The following ASIC2 variants were observed in gnomAD, a reference collection of about 807,000 sequenced individuals.
ASIC2 encodes the protein acid-sensing ion channel 2.
ASIC2 carries 25 observed loss-of-function variants against 57.3 expected under a neutral mutation model. That is an observed-to-expected ratio of 0.44 (90% CI 0.32 to 0.61). ASIC2 has a LOEUF of 0.61. ASIC2 is among the 20% of genes least tolerant of loss of function. The pLI is 0.06. For missense variants in ASIC2, 641 were observed against 738.1 expected (o/e 0.87, Z 1.52); for synonymous variants, 319 against 307.5 (o/e 1.04, Z -0.39).
chr17:34,037,810 T>C (rs1051475574), intron 1 of ASIC2: 1 of 1,614,210 alleles, frequency 6.2e-7, no homozygotes, highest in Non-Finnish European at 8.5e-7. Flanking sequence ...CTTCAGGTGT[T>C]ACTACCGGCT....
At chr17:34,100,288 A>G (rs1280044962) in intron 1 of ASIC2, among the ~76,000 whole-genome samples, 1 of 151,122 alleles carries the variant, frequency 6.6e-6, no homozygotes, top group Non-Finnish European at 1.5e-5. Context: ...GGAGGTGTGG[A>G]TAAGCGGCAT....
intron 1 of ASIC2, among the ~76,000 whole-genome samples, chr17:33,454,323 A>G (rs568344640): frequency 6.6e-6 from 1 of 152,222 alleles, no homozygotes; most frequent in Non-Finnish European, 1.5e-5. Flanking sequence ...TAGCAGAACC[A>G]GAAATAGCCC....
chr17:33,802,673 G>T (rs1462341593), intron 1 of ASIC2, among the ~76,000 whole-genome samples: 1 of 152,220 alleles, frequency 6.6e-6, no homozygotes, highest in African/African-American at 2.4e-5. Context: ...AACAGTAACT[G>T]CTTCAGTCAG....
At chr17:33,016,975 ACC>A (rs60761885) in intron 8 of ASIC2, among the ~76,000 whole-genome samples, 90,939 of 151,830 alleles carry the variant, frequency 0.6, 28,499 homozygotes, top group African/African-American at 0.79. Flanking sequence ...GAGAAGGCTG[ACC>A]CCAGCTCTGG....
intron 1 of ASIC2, among the ~76,000 whole-genome samples, chr17:33,494,656 A>G (rs1238283403): frequency 6.6e-6 from 1 of 152,154 alleles, no homozygotes; most frequent in East Asian, 1.9e-4. Context: ...AGGTAGGAGC[A>G]ATGGGGCTGG....
At chr17:34,056,869 G>T (rs933547574) in intron 1 of ASIC2, among the ~76,000 whole-genome samples, 55 of 152,092 alleles carry the variant, frequency 3.6e-4, no homozygotes, top group Non-Finnish European at 7.5e-4. Flanking sequence ...CATATCTTGA[G>T]GTTAAACAAC....
chr17:33,539,011 T>C (rs1301012194), intron 1 of ASIC2, among the ~76,000 whole-genome samples: 1 of 152,220 alleles, frequency 6.6e-6, no homozygotes, highest in East Asian at 1.9e-4. Context: ...AAGAGGTTAA[T>C]GTCCCATTTG....
intron 1 of ASIC2, among the ~76,000 whole-genome samples, chr17:33,117,073 T>G (rs4794939): frequency 1.3e-5 from 2 of 152,076 alleles, no homozygotes; most frequent in Non-Finnish European, 2.9e-5. Context: ...AGGATGGTCT[T>G]GAACTCCTGG....
At chr17:34,105,480 C>CTTTTTTTTTTTTTTG (rs1911013108) in intron 1 of ASIC2, among the ~76,000 whole-genome samples, 1 of 122,882 alleles carries the variant, frequency 8.1e-6, no homozygotes, top group Non-Finnish European at 1.7e-5. Flanking sequence ...TTTCATCTAC[C>CTTTTTTTTTTTTTTG]TTTTTTTTTT....
At chr17:33,285,744 CT>C (rs1244220929) in intron 1 of ASIC2, among the ~76,000 whole-genome samples, 3 of 152,346 alleles carry the variant, frequency 2.0e-5, no homozygotes, top group East Asian at 1.9e-4. Context: ...GAGTCTGTGA[CT>C]TTAGGTGGAT....
chr17:33,782,583 GCTGGGC>G (rs1911487807), intron 1 of ASIC2, among the ~76,000 whole-genome samples: 1 of 152,036 alleles, frequency 6.6e-6, no homozygotes, highest in Admixed American at 6.6e-5. Flanking sequence ...CAAAAAATTA[GCTGGGC>G]TTGGCGGCAT....
chr17:33,868,834 TG>T (rs1215700155), intron 1 of ASIC2, among the ~76,000 whole-genome samples: 2 of 152,152 alleles, frequency 1.3e-5, no homozygotes, highest in Admixed American at 6.5e-5. Context: ...GAGGCCAAGA[TG>T]GGAGGATCAC....
At chr17:33,857,956 G>T (rs1447679166) in intron 1 of ASIC2, among the ~76,000 whole-genome samples, 1 of 152,228 alleles carries the variant, frequency 6.6e-6, no homozygotes, top group Non-Finnish European at 1.5e-5. Flanking sequence ...ATCTTCCACA[G>T]CAAACCTCTG....
At chr17:33,778,185 G>T (rs2142126012) in intron 1 of ASIC2, among the ~76,000 whole-genome samples, 1 of 152,204 alleles carries the variant, frequency 6.6e-6, no homozygotes, top group Admixed American at 6.5e-5. Flanking sequence ...ATCTCAGGGG[G>T]AATTGAAAAG....
chr17:33,309,789 G>A (rs1439475296), intron 1 of ASIC2, among the ~76,000 whole-genome samples: 1 of 151,694 alleles, frequency 6.6e-6, no homozygotes, highest in Non-Finnish European at 1.5e-5. Flanking sequence ...GTCCCCAGCA[G>A]ACAGTGTGAT....
intron 1 of ASIC2, among the ~76,000 whole-genome samples, chr17:33,505,274 G>A (rs1374549233): frequency 6.6e-6 from 1 of 152,026 alleles, no homozygotes. Flanking sequence ...AGAGGCAAGA[G>A]TCCAGTGCTC....
chr17:33,757,577 G>T (rs2932926), intron 1 of ASIC2, among the ~76,000 whole-genome samples: 51,656 of 152,110 alleles, frequency 0.34, 10,685 homozygotes, highest in Non-Finnish European at 0.49. Context: ...AACAGGAGGT[G>T]GGGGCACATA....
chr17:33,249,795 G>A lies in ASIC2; in HGVS notation c.708+41613C>T, dbSNP rs143184221. Among the ~76,000 whole-genome samples, 69 of 152,288 alleles carry A rather than the reference G, an allele frequency of 4.5e-4. 1 individual carries two copies. Among genetic ancestry groups the A allele is most frequent in the Non-Finnish European group, 8.4e-4 (57 of 68,016 alleles). On this transcript the variant is annotated intron_variant, in intron 1 of 9. Coordinates refer to ENST00000225823, the MANE Select transcript of ASIC2 (RefSeq NM_183377.2). ...ACCTTAGTTCCACCAAAGGCAGGGC[G>A]GGTGGGGAAACCATTCACTCTGTAG...
At chr17:33,558,817 C>A (rs145182220) in intron 1 of ASIC2, among the ~76,000 whole-genome samples, 1 of 151,826 alleles carries the variant, frequency 6.6e-6, no homozygotes, top group South Asian at 2.1e-4. Context: ...TTTTTTTAGA[C>A]GGAGTCTGGC....
Sources: allele counts gnomAD v4.1 joint callset (sites outside exome capture counted in the v4.1 genomes callset), GRCh38; gene constraint gnomAD v4.1.1; transcripts MANE v1.5; gene names NCBI Gene and HGNC (gene_info 2026-07-23, HGNC 2026-07-21).